Variants in UBE3C observed in about 807,000 individuals in gnomAD.
The protein encoded by UBE3C is ubiquitin protein ligase E3C.
Under a neutral mutation model 129.4 loss-of-function variants are expected in UBE3C, and 42 were observed. The observed-to-expected ratio is 0.32, with a 90% CI of 0.25 to 0.42. The LOEUF (loss-of-function observed/expected upper bound fraction) is 0.42, where lower values mean the gene tolerates loss of function less well. Among genes scored for constraint, UBE3C ranks in the 10% least tolerant of loss-of-function variants. The pLI is 1.00. For missense variants in UBE3C, 1,049 were observed against 1,319.1 expected (o/e 0.80, Z 3.17); for synonymous variants, 510 against 492.4 (o/e 1.04, Z -0.47).
intron 22 of UBE3C, among the ~76,000 whole-genome samples, chr7:157,258,017 G>A (rs890876126): frequency 2.0e-5 from 3 of 148,236 alleles, no homozygotes; most frequent in South Asian, 2.2e-4. Flanking sequence ...GTGTGATCAC[G>A]GCTCACTGCA....
intron 11 of UBE3C, among the ~76,000 whole-genome samples, chr7:157,206,603 C>T (rs7785227): frequency 0.48 from 71,815 of 149,666 alleles, 19,660 homozygotes; most frequent in African/African-American, 0.77. Context: ...TTTTAAACTT[C>T]TTTGAAACAG....
rs765919784 is a variant in UBE3C, at chr7:157,207,595, G to A, written c.1576+40G>A. ...AAACCAGTTTGCTGCTGGCCACTTG[G>A]CCCATCAGTTTTCATAGACAGTAGA... On this transcript the variant is annotated intron_variant, in intron 12 of 22. Coordinates refer to ENST00000348165, the MANE Select transcript of UBE3C (RefSeq NM_014671.3). 1.5e-5 allele frequency: 24 copies of A among 1,600,296 alleles called. No individual in the cohort carries two copies. The East Asian group carries it at 3.6e-4, about 24-fold the overall frequency.
chr7:157,144,446 G>A (rs1173251108), intron 1 of UBE3C, among the ~76,000 whole-genome samples: 1 of 152,092 alleles, frequency 6.6e-6, no homozygotes, highest in African/African-American at 2.4e-5. Context: ...TGGGAAGGAC[G>A]GGGGTTAAAA....
chr7:157,200,136 A>C (rs955040019), intron 10 of UBE3C, among the ~76,000 whole-genome samples: 1 of 152,202 alleles, frequency 6.6e-6, no homozygotes, highest in African/African-American at 2.4e-5. Flanking sequence ...CTTTTAGCCT[A>C]CATGACATTG....
chr7:157,227,497 G>T (rs1172903679), intron 17 of UBE3C, among the ~76,000 whole-genome samples: 1 of 152,038 alleles, frequency 6.6e-6, no homozygotes, highest in African/African-American at 2.4e-5. Flanking sequence ...AGGAGATCGA[G>T]ACCAGCCTGG....
intron 10 of UBE3C, among the ~76,000 whole-genome samples, chr7:157,195,263 A>G (rs1809086181): frequency 6.6e-6 from 1 of 152,220 alleles, no homozygotes; most frequent in Non-Finnish European, 1.5e-5. Flanking sequence ...TCCCCATGAC[A>G]TATGTAAGAG....
In UBE3C at chr7:157,231,216, G is replaced by A; in HGVS notation, c.2370G>A (p.Gly790=). 5 of 1,614,100 alleles carry A rather than the reference G, an allele frequency of 3.1e-6. No homozygotes were observed. Among genetic ancestry groups the A allele is most frequent in the Non-Finnish European group, 4.2e-6 (5 of 1,180,030 alleles). The change falls in exon 18 of 23, where the codon GGG becomes GGA. Residue 790 remains glycine, a synonymous_variant. Coordinates refer to ENST00000348165, the MANE Select transcript of UBE3C (RefSeq NM_014671.3). ...LLKSGFNPNQ[G]FFKTTNEGLL... Reference sequence around the variant, plus strand: ...AGTCAGGATTTAACCCCAACCAGGGGTTCTTTAAGACTACTAATGAAGGGC... The same window carrying A: ...AGTCAGGATTTAACCCCAACCAGGGATTCTTTAAGACTACTAATGAAGGGC...
chr7:157,160,767 T>C (rs573140856), intron 1 of UBE3C, among the ~76,000 whole-genome samples: 6 of 152,232 alleles, frequency 3.9e-5, no homozygotes, highest in Non-Finnish European at 8.8e-5. Context: ...TAGTAGATCT[T>C]GTCTGCAGTG....
chr7:157,188,277 C>G (rs1808864828), intron 10 of UBE3C, among the ~76,000 whole-genome samples: 1 of 152,212 alleles, frequency 6.6e-6, no homozygotes, highest in Non-Finnish European at 1.5e-5. Flanking sequence ...AGAGTGATTT[C>G]TGTTGGCTAA....
intron 11 of UBE3C, among the ~76,000 whole-genome samples, chr7:157,203,328 C>G (rs2023977): frequency 0.48 from 72,311 of 152,096 alleles, 19,804 homozygotes; most frequent in African/African-American, 0.77. Flanking sequence ...AAGACTCCTA[C>G]AATGATTTAC....
chr7:157,199,908 A>C (rs578066758), intron 10 of UBE3C, among the ~76,000 whole-genome samples: 1 of 152,190 alleles, frequency 6.6e-6, no homozygotes, highest in African/African-American at 2.4e-5. Flanking sequence ...TTAAATATTT[A>C]TTATTAAGTA....
chr7:157,197,765 G>C lies in UBE3C; in HGVS notation c.1332-3956G>C. ...TAAAGTTCCGGACATCCAGGATCCT[G>C]TGTGTACTATTGAATCTTTGTATCA... On this transcript the variant is annotated intron_variant, in intron 10 of 22. Coordinates refer to ENST00000348165, the MANE Select transcript of UBE3C (RefSeq NM_014671.3). The C allele has an allele frequency of 2.5e-6, 4 of 1,612,790 alleles. No homozygotes were observed. The East Asian group carries it at 8.9e-5, about 36-fold the overall frequency.
intron 6 of UBE3C, 25 bp downstream of exon 6, chr7:157,178,872 T>G (rs1389156306): frequency 1.2e-5 from 20 of 1,609,858 alleles, no homozygotes; most frequent in Non-Finnish European, 1.7e-5. Flanking sequence ...GGATCAGAAC[T>G]GTGGCTCAGC....
At chr7:157,193,886 G>A (rs1809043985) in intron 10 of UBE3C, among the ~76,000 whole-genome samples, 2 of 152,042 alleles carry the variant, frequency 1.3e-5, no homozygotes, top group Admixed American at 1.3e-4. Context: ...ATGAAATACT[G>A]TTCATCCCTC....
chr7:157,267,985 C>T lies in UBE3C; in HGVS notation c.*230C>T, dbSNP rs990636973. 5.1e-6 allele frequency: 2 copies of T among 394,790 alleles called. No homozygotes were observed. The highest frequency in any genetic ancestry group is 2.1e-5 in the African/African-American group (1 of 47,572). The allele number at this position is 394,790 out of a possible 1,614,324, so 24.5% of individuals were successfully genotyped here. On this transcript the variant is annotated 3_prime_UTR_variant, in exon 23 of 23. Transcript: ENST00000348165. ...TAACTTAAAATAACACGTTATGTGC[C>T]ATGTGGCTACTTTAGTAATATTGCC... is the stretch of plus-strand genomic sequence containing the variant.
At chr7:157,201,658 T>TTTTTTTTA in intron 10 of UBE3C, 63 bp from the exon 11 acceptor site, 1 of 566,734 alleles carries the variant, frequency 1.8e-6, no homozygotes, top group Non-Finnish European at 2.7e-6. Flanking sequence ...TTTTTTTTTT[T>TTTTTTTTA]AAGAAATGTT....
intron 1 of UBE3C, 92 bp downstream of exon 1, chr7:157,139,430 CGGGGCCGAGACTTGGGGCT>C: frequency 8.4e-7 from 1 of 1,191,444 alleles, no homozygotes; most frequent in Non-Finnish European, 1.1e-6. Flanking sequence ...GGGCTGGACT[CGGGGCCGAGACTTGGGGCT>C]GGATTCGGGG....
At chr7:157,191,352 C>T (rs376798215) in intron 10 of UBE3C, among the ~76,000 whole-genome samples, 7 of 152,230 alleles carry the variant, frequency 4.6e-5, no homozygotes, top group Non-Finnish European at 8.8e-5. Flanking sequence ...AGTGCCGTGG[C>T]GTGATCTCAG....
intron 13 of UBE3C, among the ~76,000 whole-genome samples, chr7:157,216,050 T>G (rs1467476022): frequency 6.6e-6 from 1 of 152,120 alleles, no homozygotes; most frequent in East Asian, 1.9e-4. Context: ...GATGACATAG[T>G]GAAGTGTGTC....
Sources: allele counts gnomAD v4.1 joint callset (sites outside exome capture counted in the v4.1 genomes callset), GRCh38; gene constraint gnomAD v4.1.1; transcripts MANE v1.5; gene names NCBI Gene and HGNC (gene_info 2026-07-23, HGNC 2026-07-21).